The following CTNNA2 variants were observed in gnomAD, a reference collection of about 807,000 sequenced individuals.
CTNNA2 encodes catenin alpha-2.
CTNNA2 carries 42 observed loss-of-function variants against 101.0 expected under a neutral mutation model. The ratio of observed to expected loss-of-function variants is 0.42; its 90% CI spans 0.32 to 0.54. CTNNA2 has a LOEUF of 0.54. CTNNA2 is among the 20% of genes least tolerant of loss of function. The pLI, the probability that CTNNA2 is intolerant of heterozygous loss-of-function variation, is 0.14. For missense variants in CTNNA2, 871 were observed against 1,223.1 expected, an observed-to-expected ratio of 0.71 and a Z score of 4.29; for synonymous variants, 450 against 456.4, an observed-to-expected ratio of 0.99 and a Z score of 0.18.
rs554743560 is a variant in CTNNA2, at chr2:79,785,070, C to G, written c.298+40488C>G. ...TCTACCTCTCTGATCCAAACAACGC[C>G]ATCTCTTAACCGGATCCTGGGGATG... On this transcript the variant is annotated intron_variant, in intron 3 of 18. Transcript: ENST00000402739. 1.4e-4 allele frequency among the ~76,000 whole-genome samples: 21 copies of G among 152,200 alleles called. No individual in the cohort carries two copies. The East Asian group carries it at 4.1e-3, about 29-fold the overall frequency.
chr2:80,408,450 T>C (rs941135178), intron 8 of CTNNA2, among the ~76,000 whole-genome samples: 1 of 152,198 alleles, frequency 6.6e-6, no homozygotes, highest in Non-Finnish European at 1.5e-5. Flanking sequence ...ATTCAGTAAT[T>C]GTCTTTCCCA....
intron 1 of CTNNA2, among the ~76,000 whole-genome samples, chr2:79,517,018 T>G (rs953585865): frequency 9.9e-5 from 15 of 152,176 alleles, no homozygotes; most frequent in African/African-American, 3.6e-4. Flanking sequence ...TAATAAATTC[T>G]AAATGGATGG....
intron 7 of CTNNA2, among the ~76,000 whole-genome samples, chr2:80,016,795 A>G (rs1459940686): frequency 1.3e-5 from 2 of 152,218 alleles, no homozygotes; most frequent in African/African-American, 4.8e-5. Flanking sequence ...GTTAGGAGCC[A>G]CTTCCAATTA....
intron 3 of CTNNA2, among the ~76,000 whole-genome samples, chr2:79,857,346 T>G (rs1323429326): frequency 2.0e-5 from 3 of 152,278 alleles, no homozygotes; most frequent in Non-Finnish European, 2.9e-5. Flanking sequence ...TGTTTACTCA[T>G]GAGACTTTGA....
At chr2:80,407,253 T>A (rs1679155501) in intron 8 of CTNNA2, among the ~76,000 whole-genome samples, 1 of 152,180 alleles carries the variant, frequency 6.6e-6, no homozygotes, top group Admixed American at 6.5e-5. Flanking sequence ...AGGCCACAGT[T>A]AGCCTCCTCA....
At chr2:80,315,513 G>T (rs1379636529) in intron 7 of CTNNA2, among the ~76,000 whole-genome samples, 1 of 152,138 alleles carries the variant, frequency 6.6e-6, no homozygotes, top group Non-Finnish European at 1.5e-5. Context: ...TTAGGTTAGG[G>T]TACCTGAGTT....
At chr2:80,300,234 A>G (rs1676125005) in intron 7 of CTNNA2, among the ~76,000 whole-genome samples, 1 of 150,802 alleles carries the variant, frequency 6.6e-6, no homozygotes, top group African/African-American at 2.4e-5. Context: ...ATTATAAATA[A>G]AGCAAGATGA....
chr2:80,314,700 T>C (rs1345271164), intron 7 of CTNNA2, among the ~76,000 whole-genome samples: 6 of 152,220 alleles, frequency 3.9e-5, no homozygotes, highest in African/African-American at 1.2e-4. Flanking sequence ...CATGGTTCTA[T>C]GTCAATGTCT....
chr2:79,365,398 G>A (rs990573938), intron 3 of CTNNA2, among the ~76,000 whole-genome samples: 4 of 152,174 alleles, frequency 2.6e-5, no homozygotes, highest in African/African-American at 7.2e-5. Context: ...CAAGGCAGGA[G>A]GATTGCTTGA....
intron 1 of CTNNA2, among the ~76,000 whole-genome samples, chr2:79,558,125 GA>G (rs1421205475): frequency 1.3e-5 from 2 of 151,870 alleles, no homozygotes. Context: ...AAGAAATTTA[GA>G]TAACATTCTT....
intron 7 of CTNNA2, among the ~76,000 whole-genome samples, chr2:80,384,976 C>T (rs1018060884): frequency 6.6e-6 from 1 of 151,874 alleles, no homozygotes; most frequent in Non-Finnish European, 1.5e-5. Flanking sequence ...ACCAGGTAAC[C>T]CATGGATAGA....
intron 1 of CTNNA2, chr2:79,649,260 T>C (rs1318197421): frequency 3.9e-5 from 6 of 154,776 alleles, no homozygotes; most frequent in Admixed American, 1.3e-4. Flanking sequence ...TCAGCGTATG[T>C]CTACAAGCAT....
Position 79,784,489 on chromosome 2 carries a change from G to A in CTNNA2, c.298+39907G>A, listed in dbSNP as rs79049463. 0.013 allele frequency among the ~76,000 whole-genome samples: 2,022 copies of A among 150,124 alleles called. 123 individuals are homozygous for A. The East Asian group carries it at 0.17, about 13-fold the overall frequency. On this transcript the variant is annotated intron_variant, in intron 3 of 18. Coordinates refer to ENST00000402739, the MANE Select transcript of CTNNA2 (RefSeq NM_001282597.3). ...CACATATCCAACTGCCTACTAGATA[G>A]CTCTGTTGGGATGTCTAGGAGACAT...
chr2:79,314,428 A>C (rs898241356), intron 3 of CTNNA2, among the ~76,000 whole-genome samples: 2 of 152,332 alleles, frequency 1.3e-5, no homozygotes, highest in Non-Finnish European at 2.9e-5. Context: ...CTCAGGAAGA[A>C]TATGCGTGGG....
At chr2:79,963,662 G>A (rs977566640) in intron 7 of CTNNA2, among the ~76,000 whole-genome samples, 8 of 152,110 alleles carry the variant, frequency 5.3e-5, no homozygotes, top group African/African-American at 1.9e-4. Flanking sequence ...GGGCCACAGG[G>A]TACACGTCAC....
intron 9 of CTNNA2, among the ~76,000 whole-genome samples, chr2:80,431,894 T>C (rs1681557166): frequency 6.6e-6 from 1 of 152,126 alleles, no homozygotes; most frequent in South Asian, 2.1e-4. Context: ...AGCTTCAACT[T>C]TTTGGTTTTT....
chr2:80,420,073 C>A (rs1200727016), intron 9 of CTNNA2, among the ~76,000 whole-genome samples: 1 of 148,502 alleles, frequency 6.7e-6, no homozygotes. Flanking sequence ...ACCCACCTTC[C>A]CCAAAGAGAT....
chr2:79,607,902 A>C (rs1384245025), intron 1 of CTNNA2, among the ~76,000 whole-genome samples: 1 of 152,116 alleles, frequency 6.6e-6, no homozygotes. Flanking sequence ...AAAGCAGGGC[A>C]AAAATAATCA....
intron 7 of CTNNA2, among the ~76,000 whole-genome samples, chr2:79,914,186 A>G (rs12988241): frequency 0.38 from 55,132 of 144,726 alleles, 10,872 homozygotes; most frequent in South Asian, 0.45. Context: ...AAAAAAAAAA[A>G]AAAGAAAGTA....
Sources: allele counts gnomAD v4.1 joint callset (sites outside exome capture counted in the v4.1 genomes callset), GRCh38; gene constraint gnomAD v4.1.1; transcripts MANE v1.5; gene names NCBI Gene and HGNC (gene_info 2026-07-23, HGNC 2026-07-21).